NFIB: variants seen among roughly 807,000 people sequenced by gnomAD.
NFIB encodes the protein nuclear factor 1 B-type.
Under a neutral mutation model 61.5 loss-of-function variants are expected in NFIB, and 11 were observed. The observed-to-expected ratio is 0.18, with a 90% confidence interval of 0.11 to 0.30. NFIB has a LOEUF of 0.30. Among genes scored for constraint, NFIB ranks in the 10% least tolerant of loss-of-function variants. NFIB has a pLI of 1.00. For missense variants in NFIB, 471 were observed against 608.9 expected (o/e 0.77, Z 2.38); for synonymous variants, 260 against 216.5 (o/e 1.20, Z -1.76).
intron 2 of NFIB, among the ~76,000 whole-genome samples, chr9:14,255,069 TAAAA>T (rs2056082655): frequency 6.6e-6 from 1 of 151,882 alleles, no homozygotes; most frequent in Non-Finnish European, 1.5e-5. Context: ...AAAATAAAAA[TAAAA>T]ATAGCCAGGT....
chr9:14,528,403 C>G, the NFIB span, among the ~76,000 whole-genome samples: 1 of 152,098 alleles, frequency 6.6e-6, no homozygotes, highest in African/African-American at 2.4e-5. Flanking sequence ...AAGCACATTA[C>G]AACTGAGCAG....
At position 14,166,008 on chromosome 9, in the gene NFIB, G is replaced by A. The variant is rs533511544; in HGVS notation, c.617-10115C>T. ...TAAGATGACAAATTTAATGTTACGCGTATTTCACTAAAATTTAAAAATGCA... is the reference window on the plus strand; with the variant it reads ...TAAGATGACAAATTTAATGTTACGCATATTTCACTAAAATTTAAAAATGCA... On this transcript the variant is annotated intron_variant, in intron 3 of 10. Transcript: ENST00000380953. Among the ~76,000 whole-genome samples the A allele has an allele frequency of 1.1e-4, 16 of 152,220 alleles. No individual in the cohort carries two copies. In the East Asian group the frequency reaches 2.9e-3, roughly 28 times the overall value.
At position 14,082,152 on chromosome 9, in the gene NFIB, G is replaced by A. The variant is rs1198107575; in HGVS notation, c.*6157C>T. 3.4e-5 allele frequency: 7 copies of A among 206,402 alleles called. No homozygotes were observed. Among genetic ancestry groups the A allele is most frequent in the Middle Eastern group, 1.5e-3 (1 of 658 alleles). The allele number at this position is 206,402 out of a possible 1,614,324, so 12.8% of individuals were successfully genotyped here. Reference sequence around the variant, plus strand: ...GAACTCTAGAAATTAAGTAACTGTCGTATAATACATCCTACTGCTAAAGGT... The same window carrying A: ...GAACTCTAGAAATTAAGTAACTGTCATATAATACATCCTACTGCTAAAGGT... On this transcript the variant is annotated 3_prime_UTR_variant, in exon 11 of 11. Coordinates refer to ENST00000380953, the MANE Select transcript of NFIB (RefSeq NM_001190737.2).
intron 1 of NFIB, among the ~76,000 whole-genome samples, chr9:14,375,793 G>A (rs1296248298): frequency 6.6e-6 from 1 of 152,156 alleles, no homozygotes; most frequent in Admixed American, 6.5e-5. Context: ...TGTCCCAAAT[G>A]AAGTCAGAGT....
At chr9:14,135,997 A>C (rs2040999609) in intron 6 of NFIB, among the ~76,000 whole-genome samples, 1 of 152,142 alleles carries the variant, frequency 6.6e-6, no homozygotes, top group Non-Finnish European at 1.5e-5. Context: ...GCATGTTCCT[A>C]CAAGTCTCAA....
chr9:14,480,140 A>G, the NFIB span, among the ~76,000 whole-genome samples: 3 of 152,026 alleles, frequency 2.0e-5, no homozygotes, highest in Admixed American at 1.3e-4. Flanking sequence ...GCCCTCTTCA[A>G]TTTTTCAGAT....
intron 1 of NFIB, among the ~76,000 whole-genome samples, chr9:14,395,903 G>C (rs756230484): frequency 6.6e-6 from 1 of 151,582 alleles, no homozygotes; most frequent in Non-Finnish European, 1.5e-5. Context: ...GGTGTGGGTG[G>C]GGGTGGGGAT....
At chr9:14,347,886 A>AGC (rs962314243) in intron 1 of NFIB, among the ~76,000 whole-genome samples, 79 of 151,954 alleles carry the variant, frequency 5.2e-4, no homozygotes, top group African/African-American at 1.6e-3. Flanking sequence ...GCAAGGGCCG[A>AGC]GCGCGCGCGC....
chr9:14,200,820 C>T (rs1028634820), intron 2 of NFIB, among the ~76,000 whole-genome samples: 1 of 152,146 alleles, frequency 6.6e-6, no homozygotes, highest in East Asian at 1.9e-4. Flanking sequence ...AAATACTACC[C>T]GTTTTTTGAG....
chr9:14,502,648 A>C, the NFIB span, among the ~76,000 whole-genome samples: 2 of 152,198 alleles, frequency 1.3e-5, no homozygotes, highest in African/African-American at 4.8e-5. Flanking sequence ...ACATCTTCAT[A>C]AATACAGGCA....
intron 1 of NFIB, among the ~76,000 whole-genome samples, chr9:14,342,140 T>C (rs1316279753): frequency 2.0e-5 from 3 of 152,198 alleles, no homozygotes; most frequent in African/African-American, 7.2e-5. Context: ...TGAAAACGTA[T>C]ACATGGCTGG....
intron 2 of NFIB, among the ~76,000 whole-genome samples, chr9:14,288,944 T>A (rs1435237913): frequency 2.6e-5 from 4 of 151,920 alleles, no homozygotes; most frequent in Non-Finnish European, 4.4e-5. Flanking sequence ...TTTTCATAAA[T>A]CCACAAATGC....
chr9:14,418,071 G>A, the NFIB span, among the ~76,000 whole-genome samples: 12 of 152,048 alleles, frequency 7.9e-5, no homozygotes, highest in Admixed American at 4.6e-4. Context: ...GTGAGCCACC[G>A]CGCCCAGCCA....
the NFIB span, among the ~76,000 whole-genome samples, chr9:14,503,905 G>A: frequency 4.9e-4 from 74 of 152,290 alleles, no homozygotes; most frequent in African/African-American, 1.7e-3. Flanking sequence ...CTAAGCCAAT[G>A]TCTACAAGGG....
At chr9:14,458,955 T>C in the NFIB span, among the ~76,000 whole-genome samples, 19 of 152,186 alleles carry the variant, frequency 1.2e-4, no homozygotes, top group African/African-American at 4.3e-4. Flanking sequence ...AGGTAATTTA[T>C]AGATTCAATG....
the NFIB span, among the ~76,000 whole-genome samples, chr9:14,456,714 T>G: frequency 6.6e-6 from 1 of 152,184 alleles, no homozygotes; most frequent in Non-Finnish European, 1.5e-5. Flanking sequence ...GCACATTATG[T>G]TGGCAAATGG....
the NFIB span, among the ~76,000 whole-genome samples, chr9:14,450,595 GC>G: frequency 6.6e-6 from 1 of 151,988 alleles, no homozygotes; most frequent in Non-Finnish European, 1.5e-5. Flanking sequence ...CTAACTAAGT[GC>G]CCCTCTACAC....
At chr9:14,212,419 A>G (rs895653288) in intron 2 of NFIB, among the ~76,000 whole-genome samples, 11 of 152,214 alleles carry the variant, frequency 7.2e-5, no homozygotes, top group Admixed American at 2.6e-4. Context: ...TAAACATACT[A>G]AAGTACAGTA....
chr9:14,338,630 CAT>C (rs1269388438), intron 1 of NFIB, among the ~76,000 whole-genome samples: 3 of 152,128 alleles, frequency 2.0e-5, no homozygotes, highest in South Asian at 2.1e-4. Flanking sequence ...AACCAGAAAA[CAT>C]GTGAAATATA....
Sources: allele counts gnomAD v4.1 joint callset (sites outside exome capture counted in the v4.1 genomes callset), GRCh38; gene constraint gnomAD v4.1.1; transcripts MANE v1.5; gene names NCBI Gene and HGNC (gene_info 2026-07-23, HGNC 2026-07-21).